TMEM181: variants seen among roughly 807,000 people sequenced by gnomAD.
The protein encoded by TMEM181 is transmembrane protein 181.
TMEM181 carries 39 observed loss-of-function variants against 71.9 expected under a neutral mutation model. That is an observed-to-expected ratio of 0.54 (90% CI 0.42 to 0.71). TMEM181 has a LOEUF of 0.71. TMEM181 is among the 30% of genes least tolerant of loss of function. The pLI is 0.00. For missense variants in TMEM181, 595 were observed against 583.0 expected (o/e 1.02, Z -0.21); for synonymous variants, 245 against 228.8 (o/e 1.07, Z -0.64).
chr6:158,610,340 C>A (rs939980311), intron 10 of TMEM181: 27 of 287,980 alleles, frequency 9.4e-5, no homozygotes, highest in Admixed American at 6.6e-4. Flanking sequence ...AACAGCTCCC[C>A]CCGTAGGCAA....
chr6:158,569,901 G>A (rs1046948306), intron 1 of TMEM181, among the ~76,000 whole-genome samples: 9 of 152,056 alleles, frequency 5.9e-5, no homozygotes, highest in Non-Finnish European at 2.9e-5. Context: ...ACCGCACCCA[G>A]CCTCTCATGC....
intron 1 of TMEM181, among the ~76,000 whole-genome samples, chr6:158,544,712 C>A (rs777012852): frequency 2.6e-4 from 39 of 152,142 alleles, no homozygotes; most frequent in Admixed American, 3.9e-4. Context: ...CTTCATCACC[C>A]CCTCCCCTGC....
At chr6:158,605,661 C>T (rs1050426022) in intron 7 of TMEM181, among the ~76,000 whole-genome samples, 2 of 152,198 alleles carry the variant, frequency 1.3e-5, no homozygotes, top group African/African-American at 4.8e-5. Flanking sequence ...ATGAGCTTCT[C>T]TGAGTGCAGA....
intron 15 of TMEM181, among the ~76,000 whole-genome samples, chr6:158,630,516 G>T (rs1786599723): frequency 6.6e-6 from 1 of 151,940 alleles, no homozygotes; most frequent in Non-Finnish European, 1.5e-5. Context: ...AATAAAATAG[G>T]CTTTGCATTA....
Position 158,589,789 on chromosome 6 carries a change from A to G in TMEM181, c.492+7A>G, listed in dbSNP as rs773743335. 9 of 1,589,828 alleles carry G rather than the reference A, an allele frequency of 5.7e-6. No homozygotes were observed. In the Admixed American group the frequency reaches 6.7e-5, roughly 12 times the overall value. Reference sequence around the variant, plus strand: ...CAAGGGAATGAACTTCACAGTAAGTATACCAGCTGACTGCACGTTTCCATG... The same window carrying G: ...CAAGGGAATGAACTTCACAGTAAGTGTACCAGCTGACTGCACGTTTCCATG... On this transcript the variant is annotated splice_region_variant and intron_variant, in intron 6 of 16. Coordinates refer to ENST00000684151, the MANE Select transcript of TMEM181 (RefSeq NM_001376852.1).
chr6:158,634,070 A>G lies in TMEM181; in HGVS notation c.*2182A>G, dbSNP rs1786807052. On this transcript the variant is annotated 3_prime_UTR_variant, in exon 17 of 17. Coordinates refer to ENST00000684151, the MANE Select transcript of TMEM181 (RefSeq NM_001376852.1). The stretch of plus-strand genomic sequence containing the variant: ...GTGTAATTATAAACTGATGACTATT[A>G]TCTTCATACATTGAGTCTTCATGCA... The G allele has an allele frequency of 1.3e-5, 2 of 152,238 alleles. No individual in the cohort carries two copies. The highest frequency in any genetic ancestry group is 1.3e-4 in the Admixed American group (2 of 15,280). 9.4% of individuals were successfully genotyped at this position (152,238 alleles called of 1,614,324 possible). A position where few individuals can be genotyped will look rare whatever the true frequency, so the allele number is the denominator to read the frequency against.
Position 158,632,803 on chromosome 6 carries a change from C to G in TMEM181, c.*915C>G, listed in dbSNP as rs1457149502. On this transcript the variant is annotated 3_prime_UTR_variant, in exon 17 of 17. Coordinates refer to ENST00000684151, the MANE Select transcript of TMEM181 (RefSeq NM_001376852.1). Reference sequence around the variant, plus strand: ...AAATGAGGGGCCAGGTGCAGTGGCTCACATCTGTAATCTCAACACTTTGGG... The same window carrying G: ...AAATGAGGGGCCAGGTGCAGTGGCTGACATCTGTAATCTCAACACTTTGGG... 6.6e-6 allele frequency: 1 copy of G among 152,284 alleles called. No individual in the cohort carries two copies. The highest frequency in any genetic ancestry group is 2.4e-5 in the African/African-American group (1 of 41,458). The allele number at this position is 152,284 out of a possible 1,614,324, so 9.4% of individuals were successfully genotyped here. A position where few individuals can be genotyped will look rare whatever the true frequency, so the allele number is the denominator to read the frequency against.
intron 1 of TMEM181, among the ~76,000 whole-genome samples, chr6:158,562,991 C>T (rs1193263991): frequency 6.6e-6 from 1 of 152,184 alleles, no homozygotes; most frequent in African/African-American, 2.4e-5. Context: ...GCTCTAGAGC[C>T]CACACTCCTG....
At chr6:158,578,681 G>A (rs897703717) in intron 2 of TMEM181, among the ~76,000 whole-genome samples, 4 of 152,152 alleles carry the variant, frequency 2.6e-5, no homozygotes, top group South Asian at 2.1e-4. Context: ...AAAAGGCTAT[G>A]AGACATACAG....
At chr6:158,570,982 G>A (rs1255150234) in intron 1 of TMEM181, among the ~76,000 whole-genome samples, 6 of 150,094 alleles carry the variant, frequency 4.0e-5, no homozygotes, top group African/African-American at 1.5e-4. Context: ...GTGTGATCTC[G>A]GCTCACTGCA....
At position 158,620,217 on chromosome 6, in the gene TMEM181, G is replaced by C. The variant is rs893605803; in HGVS notation, c.897-3333G>C. ...CATGTGGGCTGGTGAGAGGAGGCCC[G>C]GGGGGGTCTATTTTTATTAGGCATC... On this transcript the variant is annotated intron_variant, in intron 10 of 16. Transcript: ENST00000684151. The surrounding 1 kb of genome is among the most constrained non-coding windows in gnomAD (Gnocchi z 4.5). 1.3e-5 allele frequency among the ~76,000 whole-genome samples: 2 copies of C among 148,578 alleles called. No individual in the cohort carries two copies. The highest frequency in any genetic ancestry group is 2.9e-5 in the Non-Finnish European group (2 of 67,934).
intron 10 of TMEM181, among the ~76,000 whole-genome samples, chr6:158,613,611 T>G (rs1477018720): frequency 6.6e-6 from 1 of 152,196 alleles, no homozygotes; most frequent in African/African-American, 2.4e-5. Flanking sequence ...GAGACCAGTT[T>G]CCAAGGGCTT....
intron 5 of TMEM181, among the ~76,000 whole-genome samples, chr6:158,585,970 G>A (rs1392723686): frequency 1.3e-5 from 2 of 152,160 alleles, no homozygotes; most frequent in Non-Finnish European, 1.5e-5. Context: ...GACTGCAAGC[G>A]TATGCTACCA....
intron 6 of TMEM181, 44 bp from the exon 7 acceptor site, chr6:158,605,223 C>G: frequency 6.9e-7 from 1 of 1,458,090 alleles, no homozygotes; most frequent in Non-Finnish European, 9.6e-7. Context: ...CTCTTAGATG[C>G]ATATATATTT....
chr6:158,622,008 C>G (rs1785990690), intron 10 of TMEM181, among the ~76,000 whole-genome samples: 1 of 152,194 alleles, frequency 6.6e-6, no homozygotes, highest in South Asian at 2.1e-4. Flanking sequence ...CAGCCGCACC[C>G]CTGAAGGCTG....
intron 6 of TMEM181, among the ~76,000 whole-genome samples, chr6:158,599,828 C>T (rs1053929911): frequency 1.3e-5 from 2 of 152,256 alleles, no homozygotes; most frequent in African/African-American, 4.8e-5. Context: ...AGGCCCTTGG[C>T]ACAAACGCAT....
intron 13 of TMEM181, among the ~76,000 whole-genome samples, chr6:158,626,169 A>G (rs1172490483): frequency 6.6e-6 from 1 of 152,086 alleles, no homozygotes; most frequent in African/African-American, 2.4e-5. Flanking sequence ...ATTGGGGGAG[A>G]TGGGAGGCGA....
intron 2 of TMEM181, among the ~76,000 whole-genome samples, chr6:158,574,794 A>G (rs1562629704): frequency 6.6e-6 from 1 of 152,004 alleles, no homozygotes; most frequent in Non-Finnish European, 1.5e-5. Context: ...CTGTCTGTCT[A>G]TTATAAGGAA....
chr6:158,536,838 C>A (rs1303219287), exon 1 of TMEM181: 55 of 1,536,496 alleles, frequency 3.6e-5, no homozygotes, highest in Non-Finnish European at 4.8e-5. Flanking sequence ...GAGGACCTCA[C>A]GCCCTTCAAG....
Sources: gnomAD v4.1 joint callset for allele counts (sites outside exome capture counted in the v4.1 genomes callset) on GRCh38, gnomAD v4.1.1 for gene constraint, Gnocchi (gnomAD v3.1) non-coding constraint, MANE v1.5 for transcripts, NCBI Gene and HGNC (gene_info 2026-07-23, HGNC 2026-07-21) for gene names.